POU2F1: variants seen among roughly 807,000 people sequenced by gnomAD.
POU2F1 encodes POU class 2 homeobox 1.
POU2F1 carries 16 observed loss-of-function variants against 84.9 expected under a neutral mutation model. The ratio of observed to expected loss-of-function variants is 0.19; its 90% CI spans 0.13 to 0.29. The LOEUF (loss-of-function observed/expected upper bound fraction) is 0.29, where lower values mean the gene tolerates loss of function less well. Ranked by LOEUF, POU2F1 falls within the 10% of genes least tolerant of loss-of-function variation. POU2F1 has a pLI of 1.00. For missense variants in POU2F1, 738 were observed against 942.6 expected (o/e 0.78, Z 2.84); for synonymous variants, 368 against 368.3 (o/e 1.00, Z 0.01).
chr1:167,407,071 G>T (rs1029177384), intron 13 of POU2F1, among the ~76,000 whole-genome samples: 5 of 151,174 alleles, frequency 3.3e-5, no homozygotes, highest in Non-Finnish European at 2.9e-5. Context: ...TCGAGACAGG[G>T]TATTGCCCTA....
chr1:167,289,904 C>T (rs1267955119), intron 1 of POU2F1, among the ~76,000 whole-genome samples: 1 of 152,006 alleles, frequency 6.6e-6, no homozygotes, highest in East Asian at 1.9e-4. Flanking sequence ...AATTATAAAT[C>T]TACATTTTTA....
chr1:167,359,255 A>T (rs993190800), intron 2 of POU2F1, among the ~76,000 whole-genome samples: 1 of 151,934 alleles, frequency 6.6e-6, no homozygotes, highest in Non-Finnish European at 1.5e-5. Flanking sequence ...TTACATGGGT[A>T]TATCGCCTGA....
At chr1:167,405,460 T>C (rs1288213719) in intron 13 of POU2F1, among the ~76,000 whole-genome samples, 1 of 151,832 alleles carries the variant, frequency 6.6e-6, no homozygotes, top group Non-Finnish European at 1.5e-5. Context: ...AAAGGATCGC[T>C]TGGGTCCAGG....
intron 1 of POU2F1, among the ~76,000 whole-genome samples, chr1:167,299,999 C>T (rs1171808577): frequency 6.6e-6 from 1 of 152,120 alleles, no homozygotes; most frequent in Non-Finnish European, 1.5e-5. Context: ...TTCACAATAG[C>T]AAAGCCATGG....
intron 2 of POU2F1, among the ~76,000 whole-genome samples, chr1:167,337,602 T>A (rs1040025937): frequency 6.6e-5 from 10 of 151,412 alleles, no homozygotes; most frequent in African/African-American, 2.4e-4. Context: ...TCAGATGCCA[T>A]GGAGAAAATC....
At chr1:167,378,143 A>G (rs1391603054) in intron 7 of POU2F1, among the ~76,000 whole-genome samples, 1 of 152,234 alleles carries the variant, frequency 6.6e-6, no homozygotes, top group African/African-American at 2.4e-5. Context: ...GCAATGGCTT[A>G]ACTAATTTAC....
chr1:167,308,113 C>T (rs944541876), intron 1 of POU2F1, among the ~76,000 whole-genome samples: 3 of 150,890 alleles, frequency 2.0e-5, no homozygotes, highest in Non-Finnish European at 4.4e-5. Flanking sequence ...GTCACCCAGG[C>T]TGGAGTGCAG....
chr1:167,416,118 A>T lies in POU2F1; in HGVS notation c.*308A>T, dbSNP rs561576143. 3.0e-3 allele frequency: 1,502 copies of T among 502,640 alleles called. 20 individuals are homozygous for T. The highest frequency in any genetic ancestry group is 0.027 in the African/African-American group (1,351 of 50,106). 31.1% of individuals were successfully genotyped at this position (502,640 alleles called of 1,614,324 possible). On this transcript the variant is annotated 3_prime_UTR_variant, in exon 16 of 16. Coordinates refer to ENST00000367866, the MANE Select transcript of POU2F1 (RefSeq NM_002697.4). ...AAAAAAAAAAAAAAGAAACAAAAAA[A>T]TCAAAAACAAACAAAAATAAGTGAA... is the stretch of plus-strand genomic sequence containing the variant.
chr1:167,403,167 A>AT lies in POU2F1; in HGVS notation c.1555+1619dup, dbSNP rs200184975. The stretch of plus-strand genomic sequence containing the variant: ...ACGTTGATAATTTTTCCTGGAGTGA[A>AT]TTTTTTTTAATTATTAAAAACATTA... On this transcript the variant is annotated intron_variant, in intron 13 of 15. Transcript: ENST00000367866. 4.1e-3 allele frequency among the ~76,000 whole-genome samples: 626 copies of AT among 152,104 alleles called. 5 individuals carry two copies. The highest frequency in any genetic ancestry group is 0.015 in the African/African-American group (604 of 41,524).
rs966855670 is a variant in POU2F1 at position 167,416,431 on chromosome 1, A to G, written c.*621A>G. Reference sequence around the variant, plus strand: ...TTATATATATAGTTTGGACATGTTTATTATCTCTTGCTCCTGGATCCTATT... The same window carrying G: ...TTATATATATAGTTTGGACATGTTTGTTATCTCTTGCTCCTGGATCCTATT... On this transcript the variant is annotated 3_prime_UTR_variant, in exon 16 of 16. Transcript: ENST00000367866. 2.4e-5 allele frequency: 4 copies of G among 168,336 alleles called. No individual in the cohort carries two copies. Among genetic ancestry groups the G allele is most frequent in the Non-Finnish European group, 5.0e-5 (4 of 79,330 alleles). The allele number at this position is 168,336 out of a possible 1,614,324, so 10.4% of individuals were successfully genotyped here. A position where few individuals can be genotyped will look rare whatever the true frequency, so the allele number is the denominator to read the frequency against.
chr1:167,294,929 T>C (rs1189663165), intron 1 of POU2F1, among the ~76,000 whole-genome samples: 1 of 150,790 alleles, frequency 6.6e-6, no homozygotes, highest in African/African-American at 2.4e-5. Context: ...AGGTCAGGAG[T>C]TTGAGACCAG....
chr1:167,360,737 G>A lies in POU2F1; in HGVS notation c.128-4730G>A, dbSNP rs1261732287. Reference sequence around the variant, plus strand: ...TTTCTAATTATGTAAAAAAAATGATGTTGGTAATTTGATAAGACTAGTGTT... The same window carrying A: ...TTTCTAATTATGTAAAAAAAATGATATTGGTAATTTGATAAGACTAGTGTT... On this transcript the variant is annotated intron_variant, in intron 2 of 15. Coordinates refer to ENST00000367866, the MANE Select transcript of POU2F1 (RefSeq NM_002697.4). Among the ~76,000 whole-genome samples, 3 of 152,058 alleles carry A rather than the reference G, an allele frequency of 2.0e-5. No individual in the cohort carries two copies. The East Asian group carries it at 5.8e-4, about 29-fold the overall frequency.
At chr1:167,267,743 G>A (rs1652079197) in intron 1 of POU2F1, among the ~76,000 whole-genome samples, 2 of 137,806 alleles carry the variant, frequency 1.5e-5, no homozygotes, top group Non-Finnish European at 3.1e-5. Flanking sequence ...CCAGGTTCAT[G>A]CCATTCTCCT....
At chr1:167,358,163 T>TG (rs1659099331) in intron 2 of POU2F1, among the ~76,000 whole-genome samples, 1 of 145,690 alleles carries the variant, frequency 6.9e-6, no homozygotes, top group Admixed American at 6.8e-5. Context: ...TGTTTCGCTC[T>TG]TGTTGCCCAG....
chr1:167,301,642 G>A (rs1334674470), intron 1 of POU2F1, among the ~76,000 whole-genome samples: 1 of 152,132 alleles, frequency 6.6e-6, no homozygotes, highest in Non-Finnish European at 1.5e-5. Context: ...CTCAAGATGT[G>A]CCAATGGACA....
intron 4 of POU2F1, 98 bp downstream of exon 4, chr1:167,370,312 G>A (rs908175228): frequency 3.2e-6 from 3 of 942,980 alleles, no homozygotes; most frequent in Non-Finnish European, 4.5e-6. Flanking sequence ...ATGCTTAGAA[G>A]TATTACCTTT....
chr1:167,352,937 G>C (rs980877326), intron 2 of POU2F1, among the ~76,000 whole-genome samples: 2 of 152,230 alleles, frequency 1.3e-5, no homozygotes, highest in Non-Finnish European at 2.9e-5. Flanking sequence ...AATAGCATTT[G>C]AGCTGAGCGC....
intron 9 of POU2F1, among the ~76,000 whole-genome samples, chr1:167,395,611 TTTTC>T (rs1429637052): frequency 1.3e-5 from 2 of 152,140 alleles, no homozygotes; most frequent in Admixed American, 6.5e-5. Context: ...TTTTAAATTT[TTTTC>T]TTTTTTTGAG....
chr1:167,406,747 G>T (rs545765866), intron 13 of POU2F1, among the ~76,000 whole-genome samples: 1 of 152,090 alleles, frequency 6.6e-6, no homozygotes, highest in South Asian at 2.1e-4. Flanking sequence ...ATGAAATTTA[G>T]GAAATAACTT....
Sources: allele counts gnomAD v4.1 joint callset (sites outside exome capture counted in the v4.1 genomes callset), GRCh38; gene constraint gnomAD v4.1.1; transcripts MANE v1.5; gene names NCBI Gene and HGNC (gene_info 2026-07-23, HGNC 2026-07-21).